The following NPIPA3 variants were observed in gnomAD, a reference collection of about 807,000 sequenced individuals.
NPIPA3 encodes nuclear pore complex-interacting protein family member A3.
NPIPA3 carries 1 observed loss-of-function variant against 1.4 expected under a neutral mutation model. The ratio of observed to expected loss-of-function variants is 0.73; its 90% CI spans 0.26 to 3.47. The LOEUF (loss-of-function observed/expected upper bound fraction) is 3.47, where lower values mean the gene tolerates loss of function less well. NPIPA3 is among the 30% of genes most tolerant of loss of function. The pLI, the probability that NPIPA3 is intolerant of heterozygous loss-of-function variation, is 0.19.
At chr16:14,709,994 G>C (rs1210194193) in intron 1 of NPIPA3, among the ~76,000 whole-genome samples, 14 of 47,796 alleles carry the variant, frequency 2.9e-4, no homozygotes, top group South Asian at 5.9e-4. Context: ...CACACACACA[G>C]ACAGACACAC....
chr16:14,718,811 G>A (rs1389859547), intron 2 of NPIPA3, among the ~76,000 whole-genome samples: 8 of 69,848 alleles, frequency 1.1e-4, no homozygotes, highest in Admixed American at 2.8e-4. Flanking sequence ...CCATCTAACC[G>A]TGTTGAAGTG....
intron 4 of NPIPA3, among the ~76,000 whole-genome samples, chr16:14,722,431 G>A (rs1306323055): frequency 1.4e-4 from 3 of 22,106 alleles, no homozygotes; most frequent in African/African-American, 1.9e-4. Context: ...TTTTGAGGCC[G>A]TTTCCTTTTT....
intron 7 of NPIPA3, 48 bp from the exon 10 acceptor site, chr16:14,725,835 T>C (rs2151865094): frequency 1.8e-6 from 1 of 571,196 alleles, no homozygotes; most frequent in Non-Finnish European, 3.1e-6. Flanking sequence ...GGTAATTTTG[T>C]CCATCAAATG....
intron 1 of NPIPA3, among the ~76,000 whole-genome samples, chr16:14,712,942 C>CA (rs1008830821): frequency 1.2e-5 from 1 of 81,720 alleles, no homozygotes; most frequent in African/African-American, 4.0e-5. Context: ...CAAAACGGAC[C>CA]AAAACAAAGT....
At chr16:14,710,035 T>A (rs200350422) in intron 1 of NPIPA3, among the ~76,000 whole-genome samples, 7,490 of 62,140 alleles carry the variant, frequency 0.12, 669 homozygotes, top group African/African-American at 0.15. Context: ...ATATATATAT[T>A]TTTTTTTTTT....
At chr16:14,710,002 C>G (rs1182413285) in intron 1 of NPIPA3, among the ~76,000 whole-genome samples, 1 of 59,734 alleles carries the variant, frequency 1.7e-5, no homozygotes, top group Admixed American at 1.7e-4. Context: ...CAGACAGACA[C>G]ACACACACAC....
rs1440655695 is a variant in NPIPA3 at position 14,721,993 on chromosome 16, T to A, written c.495-1199T>A. ...TGTTTGGTGTCCCCCATTGTTCTCATCGGAGATCAGAAGCTTCAGATGCAC... is the reference window on the plus strand; with the variant it reads ...TGTTTGGTGTCCCCCATTGTTCTCAACGGAGATCAGAAGCTTCAGATGCAC... On this transcript the variant is annotated intron_variant, in intron 4 of 7. Coordinates refer to ENST00000531598, the Ensembl canonical transcript of NPIPA3. Among the ~76,000 whole-genome samples the A allele has an allele frequency of 1.4e-3, 13 of 9,198 alleles. 1 individual carries two copies. The highest frequency in any genetic ancestry group is 5.1e-3 in the Admixed American group (2 of 396). 6.0% of individuals were successfully genotyped at this position (9,198 alleles called of 152,430 possible). A position where few individuals can be genotyped will look rare whatever the true frequency, so the allele number is the denominator to read the frequency against.
At chr16:14,713,136 AC>A (rs1258780832) in intron 1 of NPIPA3, among the ~76,000 whole-genome samples, 1 of 133,056 alleles carries the variant, frequency 7.5e-6, no homozygotes, top group East Asian at 2.1e-4. Context: ...TCAGATTACA[AC>A]GCCTGGCTAA....
intron 5 of NPIPA3, among the ~76,000 whole-genome samples, chr16:14,724,058 G>T (rs1457587195): frequency 1.0e-5 from 1 of 100,324 alleles, no homozygotes; most frequent in African/African-American, 2.7e-5. Flanking sequence ...GTAGAGATGG[G>T]GTTTCACCGT....
Position 14,722,208 on chromosome 16 carries a change from A to T in NPIPA3, c.495-984A>T, listed in dbSNP as rs1298111813. Among the ~76,000 whole-genome samples, 6 of 42,816 alleles carry T rather than the reference A, an allele frequency of 1.4e-4. 3 individuals are homozygous for T. The highest frequency in any genetic ancestry group is 1.7e-4 in the Non-Finnish European group (2 of 12,116). The allele number at this position is 42,816 out of a possible 152,430, so 28.1% of individuals were successfully genotyped here. A position where few individuals can be genotyped will look rare whatever the true frequency, so the allele number is the denominator to read the frequency against. ...GCATTGTCAGCACCTCACCACACAC[A>T]CCTTGTTTGAGGCCACTCCAGACAG... On this transcript the variant is annotated intron_variant, in intron 4 of 7. Coordinates refer to ENST00000531598, the Ensembl canonical transcript of NPIPA3.
At chr16:14,719,158 A>ATT (rs1179696579) in intron 2 of NPIPA3, among the ~76,000 whole-genome samples, 12 of 3,204 alleles carry the variant, frequency 3.7e-3, no homozygotes, top group African/African-American at 6.4e-3. Flanking sequence ...CACCTGGCCT[A>ATT]TTTTTTTTTT....
At chr16:14,719,559 G>A in intron 2 of NPIPA3, among the ~76,000 whole-genome samples, 1 of 8,096 alleles carries the variant, frequency 1.2e-4, no homozygotes, top group Non-Finnish European at 6.0e-4. Context: ...CTGGAGTGCA[G>A]TGGTGTGATC....
Sources: allele counts gnomAD v4.1 joint callset (sites outside exome capture counted in the v4.1 genomes callset), GRCh38; gene constraint gnomAD v4.1.1; transcripts MANE v1.5; gene names NCBI Gene and HGNC (gene_info 2026-07-23, HGNC 2026-07-21).